The following ATP6V1E2 variants were observed in gnomAD, a reference collection of about 807,000 sequenced individuals.
ATP6V1E2 encodes V-type proton ATPase subunit E 2.
For synonymous variants in ATP6V1E2, 121 were observed against 104.2 expected, an observed-to-expected ratio of 1.16 and a Z score of -0.98; for missense variants, 308 against 273.3, an observed-to-expected ratio of 1.13 and a Z score of -0.90.
chr2:46,541,248 A>G (rs1667750826), intron 2 of ATP6V1E2, 142 bp downstream of exon 2: 1 of 152,182 alleles, frequency 6.6e-6, no homozygotes, highest in African/African-American at 2.4e-5. Context: ...GCCTTCCTCA[A>G]CCTGTTATTC....
intron 4 of ATP6V1E2, among the ~76,000 whole-genome samples, chr2:46,532,066 T>C (rs1358382259): frequency 6.6e-6 from 1 of 152,248 alleles, no homozygotes; most frequent in African/African-American, 2.4e-5. Flanking sequence ...GTTTTACTTT[T>C]GTTGTTATGC....
At chr2:46,537,077 C>G (rs1667481546) in intron 2 of ATP6V1E2, among the ~76,000 whole-genome samples, 1 of 152,222 alleles carries the variant, frequency 6.6e-6, no homozygotes, top group East Asian at 1.9e-4. Context: ...GCCACTTTGC[C>G]TGGCCTCTCC....
At position 46,512,480 on chromosome 2, in the gene ATP6V1E2, G is replaced by A. The variant is rs377266255; in HGVS notation, c.232C>T (p.Gln78Ter). The change falls in exon 5 of 5, where the codon CAG becomes TAG. Residue 78 changes from glutamine to a stop codon, truncating the protein, a stop_gained. Coordinates refer to ENST00000522587, the MANE Select transcript of ATP6V1E2 (RefSeq NM_001318063.2). LOFTEE classifies it low-confidence loss of function (END_TRUNC). ...GCTCTCAGGACTTTCAGCCTCGCCT[G>A]ATTCCTCATGGTGGACATCAGGATT... is the stretch of plus-strand genomic sequence containing the variant. ...KKILMSTMRNQARLKVLRARN... is the reference protein window; with the variant it reads ...KKILMSTMRN The A allele has an allele frequency of 6.2e-7, 1 of 1,614,214 alleles. No homozygotes were observed. Among genetic ancestry groups the A allele is most frequent in the Admixed American group, 1.7e-5 (1 of 60,028 alleles).
At chr2:46,517,087 C>G (rs1298378634) in intron 4 of ATP6V1E2, among the ~76,000 whole-genome samples, 1 of 152,136 alleles carries the variant, frequency 6.6e-6, no homozygotes, top group Non-Finnish European at 1.5e-5. Context: ...TCAACATATA[C>G]TACGAAGTTA....
intron 4 of ATP6V1E2, among the ~76,000 whole-genome samples, chr2:46,527,720 A>G (rs781460832): frequency 6.6e-6 from 1 of 152,104 alleles, no homozygotes; most frequent in Non-Finnish European, 1.5e-5. Context: ...ATCCTAATGG[A>G]TATGAAATTA....
intron 1 of ATP6V1E2, chr2:46,541,862 A>G (rs895484091): frequency 6.6e-6 from 1 of 152,252 alleles, no homozygotes; most frequent in Non-Finnish European, 1.5e-5. Flanking sequence ...TCAGAGCACT[A>G]GTGTGTATCA....
In ATP6V1E2 at chr2:46,535,921, C is replaced by G. The variant is rs935389887; in HGVS notation, c.-210G>C. On this transcript the variant is annotated 5_prime_UTR_variant, in exon 4 of 5. Coordinates refer to ENST00000522587, the MANE Select transcript of ATP6V1E2 (RefSeq NM_001318063.2). This position sits in a 1 kb window ranked among gnomAD's most constrained non-coding sequence, Gnocchi z 4.4. ...AGTCTTGGGATGGTTTTCTGGCACTCTTGGTTCTGAAACATAAAATAAAAT... is the reference window on the plus strand; with the variant it reads ...AGTCTTGGGATGGTTTTCTGGCACTGTTGGTTCTGAAACATAAAATAAAAT... 6.6e-6 allele frequency: 1 copy of G among 152,210 alleles called. No homozygotes were observed. Among genetic ancestry groups the G allele is most frequent in the Non-Finnish European group, 1.5e-5 (1 of 68,044 alleles). The allele number at this position is 152,210 out of a possible 1,614,324, so 9.4% of individuals were successfully genotyped here. A position where few individuals can be genotyped will look rare whatever the true frequency, so the allele number is the denominator to read the frequency against.
At chr2:46,516,387 T>C (rs1687711072) in intron 4 of ATP6V1E2, among the ~76,000 whole-genome samples, 1 of 152,200 alleles carries the variant, frequency 6.6e-6, no homozygotes, top group Non-Finnish European at 1.5e-5. Context: ...ATTAGAAAAT[T>C]CACACATATG....
chr2:46,541,482 G>C (rs1184890241), intron 1 of ATP6V1E2, 29 bp from the exon 2 acceptor site: 3 of 152,216 alleles, frequency 2.0e-5, no homozygotes, highest in Non-Finnish European at 4.4e-5. Flanking sequence ...GAATACAACA[G>C]TGAGCATTTC....
chr2:46,539,752 T>C (rs569081986), intron 2 of ATP6V1E2, among the ~76,000 whole-genome samples: 1 of 152,240 alleles, frequency 6.6e-6, no homozygotes, highest in Non-Finnish European at 1.5e-5. Flanking sequence ...GATGCAGTGC[T>C]CTTGGCCTTT....
In ATP6V1E2 at chr2:46,525,549, G is replaced by C. The variant is rs112979016; in HGVS notation, c.-102+10264C>G. Among the ~76,000 whole-genome samples the C allele has an allele frequency of 1.2e-3, 187 of 151,680 alleles. 1 individual carries two copies. Among genetic ancestry groups the C allele is most frequent in the African/African-American group, 4.1e-3 (170 of 41,390 alleles). On this transcript the variant is annotated intron_variant, in intron 4 of 4. Coordinates refer to ENST00000522587, the MANE Select transcript of ATP6V1E2 (RefSeq NM_001318063.2). Reference sequence around the variant, plus strand: ...CAAGCTTGGGAGAGAAGGCAAGGGCGAGAGAGTTCATTTGGTCTAGAAGTA... The same window carrying C: ...CAAGCTTGGGAGAGAAGGCAAGGGCCAGAGAGTTCATTTGGTCTAGAAGTA...
chr2:46,515,213 G>A (rs1687660111), intron 4 of ATP6V1E2, among the ~76,000 whole-genome samples: 2 of 152,020 alleles, frequency 1.3e-5, no homozygotes, highest in African/African-American at 4.8e-5. Flanking sequence ...TAAAGATATT[G>A]GCAAATACAG....
rs1280880526 is a variant in ATP6V1E2 at position 46,542,256 on chromosome 2, C to G, written c.-413G>C. ...CTCCTTGATTTCTAGTTCCGTTGTG[C>G]ACTTAGAGGCCGAGAGGATGGCTCT... On this transcript the variant is annotated 5_prime_UTR_variant, in exon 1 of 5. Transcript: ENST00000522587. 1 of 150,454 alleles carries G rather than the reference C, an allele frequency of 6.6e-6. No homozygotes were observed. 9.3% of individuals were successfully genotyped at this position (150,454 alleles called of 1,614,324 possible). A position where few individuals can be genotyped will look rare whatever the true frequency, so the allele number is the denominator to read the frequency against.
At chr2:46,516,182 A>G (rs1240514557) in intron 4 of ATP6V1E2, among the ~76,000 whole-genome samples, 1 of 152,166 alleles carries the variant, frequency 6.6e-6, no homozygotes. Flanking sequence ...AATGGACCTT[A>G]CAGACATATA....
rs138734205 is a variant in ATP6V1E2 at position 46,530,915 on chromosome 2, G to A, written c.-102+4898C>T. Among the ~76,000 whole-genome samples, 236 of 152,302 alleles carry A rather than the reference G, an allele frequency of 1.5e-3. 2 individuals are homozygous for A. Among genetic ancestry groups the A allele is most frequent in the African/African-American group, 5.3e-3 (220 of 41,550 alleles). The stretch of plus-strand genomic sequence containing the variant: ...GCCCATGATTCAGTTACTTCCCACC[G>A]GGCCCCTCCCGTGGCACGTGGGAAT... On this transcript the variant is annotated intron_variant, in intron 4 of 4. Coordinates refer to ENST00000522587, the MANE Select transcript of ATP6V1E2 (RefSeq NM_001318063.2). The surrounding 1 kb of genome is among the most constrained non-coding windows in gnomAD (Gnocchi z 5.2).
chr2:46,538,950 C>T (rs922099149), intron 2 of ATP6V1E2, among the ~76,000 whole-genome samples: 63 of 151,982 alleles, frequency 4.1e-4, no homozygotes, highest in African/African-American at 1.4e-3. Flanking sequence ...GCCTGGGTGA[C>T]AGAGTGAGAC....
intron 4 of ATP6V1E2, among the ~76,000 whole-genome samples, chr2:46,513,988 A>G (rs1457555294): frequency 1.3e-5 from 2 of 152,120 alleles, no homozygotes; most frequent in East Asian, 1.9e-4. Flanking sequence ...AGGATCTTTA[A>G]GAAATATAGC....
intron 1 of ATP6V1E2, 58 bp from the exon 2 acceptor site, chr2:46,541,511 C>T (rs3754554): frequency 0.26 from 39,886 of 152,110 alleles, 5,969 homozygotes; most frequent in East Asian, 0.71. Flanking sequence ...TGCTCCAAGT[C>T]CTTGAGTACT....
intron 4 of ATP6V1E2, among the ~76,000 whole-genome samples, chr2:46,520,273 C>T (rs1027860032): frequency 5.3e-5 from 8 of 152,240 alleles, no homozygotes; most frequent in Non-Finnish European, 1.2e-4. Context: ...GCAGATGTAA[C>T]TTCTCGTCTG....
Sources: gnomAD v4.1 joint callset for allele counts (sites outside exome capture counted in the v4.1 genomes callset) on GRCh38, gnomAD v4.1.1 for gene constraint, Gnocchi (gnomAD v3.1) non-coding constraint, MANE v1.5 for transcripts, NCBI Gene and HGNC (gene_info 2026-07-23, HGNC 2026-07-21) for gene names.